The following LRRTM3 variants were observed in gnomAD, a reference collection of about 807,000 sequenced individuals.
LRRTM3 encodes the protein leucine rich repeat transmembrane neuronal 3.
Under a neutral mutation model 44.7 loss-of-function variants are expected in LRRTM3, and 24 were observed. The ratio of observed to expected loss-of-function variants is 0.54; its 90% CI spans 0.39 to 0.76. The LOEUF (loss-of-function observed/expected upper bound fraction) is 0.76. Ranked by LOEUF, LRRTM3 falls within the 30% of genes least tolerant of loss-of-function variation. LRRTM3 has a pLI of 0.00. For missense variants in LRRTM3, 587 were observed against 702.2 expected (o/e 0.84, Z 1.85); for synonymous variants, 277 against 278.7 (o/e 0.99, Z 0.06).
intron 2 of LRRTM3, among the ~76,000 whole-genome samples, chr10:66,985,955 T>C (rs1850707515): frequency 6.6e-6 from 1 of 152,142 alleles, no homozygotes; most frequent in Non-Finnish European, 1.5e-5. Flanking sequence ...CTCGATCTCC[T>C]GACCTCATGA....
At chr10:67,079,550 T>G (rs1287984844) in intron 2 of LRRTM3, among the ~76,000 whole-genome samples, 1 of 151,950 alleles carries the variant, frequency 6.6e-6, no homozygotes, top group Admixed American at 6.6e-5. Context: ...AGATAAAACA[T>G]AACAATAAGA....
chr10:67,038,567 G>T (rs2133136168), intron 2 of LRRTM3, among the ~76,000 whole-genome samples: 1 of 152,178 alleles, frequency 6.6e-6, no homozygotes, highest in African/African-American at 2.4e-5. Context: ...ATCAGTGGAA[G>T]CTCAATGCTT....
At chr10:67,056,153 G>A (rs781777040) in intron 2 of LRRTM3, among the ~76,000 whole-genome samples, 3 of 152,000 alleles carry the variant, frequency 2.0e-5, no homozygotes, top group South Asian at 2.1e-4. Flanking sequence ...ACATACTGTC[G>A]CCCATTCATG....
intron 2 of LRRTM3, among the ~76,000 whole-genome samples, chr10:67,085,257 T>C (rs968565779): frequency 1.3e-5 from 2 of 151,952 alleles, no homozygotes; most frequent in Admixed American, 6.6e-5. Flanking sequence ...TATATGTGGC[T>C]GATCACATAA....
At chr10:66,953,498 A>G (rs1848641417) in intron 2 of LRRTM3, among the ~76,000 whole-genome samples, 4 of 152,186 alleles carry the variant, frequency 2.6e-5, no homozygotes, top group African/African-American at 7.2e-5. Context: ...AGAATAAGTC[A>G]TACCATCATG....
intron 2 of LRRTM3, among the ~76,000 whole-genome samples, chr10:66,979,888 A>T (rs910327960): frequency 6.6e-6 from 1 of 152,152 alleles, no homozygotes; most frequent in Admixed American, 6.5e-5. Context: ...AAATAGAAAA[A>T]GCCTGTTTTT....
intron 2 of LRRTM3, among the ~76,000 whole-genome samples, chr10:66,932,004 T>C (rs1302501871): frequency 2.6e-5 from 4 of 152,166 alleles, no homozygotes; most frequent in Non-Finnish European, 4.4e-5. Flanking sequence ...TGGTCAGGGA[T>C]ATGTCAAAGG....
At chr10:66,957,996 CAGGGTACAGAGGA>C (rs968739058) in intron 2 of LRRTM3, among the ~76,000 whole-genome samples, 1 of 151,850 alleles carries the variant, frequency 6.6e-6, no homozygotes, top group African/African-American at 2.4e-5. Flanking sequence ...TGGCCTGGAG[CAGGGTACAGAGGA>C]AGGGTACATA....
At chr10:66,977,207 G>A (rs1371965606) in intron 2 of LRRTM3, among the ~76,000 whole-genome samples, 2 of 152,094 alleles carry the variant, frequency 1.3e-5, no homozygotes, top group Non-Finnish European at 2.9e-5. Flanking sequence ...GGGAGGCCGA[G>A]GCAGGTGGAT....
At chr10:67,082,532 T>G (rs954723779) in intron 2 of LRRTM3, among the ~76,000 whole-genome samples, 1 of 152,162 alleles carries the variant, frequency 6.6e-6, no homozygotes, top group Non-Finnish European at 1.5e-5. Context: ...TAGTAAGAAG[T>G]TGAGAATCAC....
chr10:66,961,499 T>G (rs1925563), intron 2 of LRRTM3, among the ~76,000 whole-genome samples: 1 of 152,164 alleles, frequency 6.6e-6, no homozygotes, highest in African/African-American at 2.4e-5. Flanking sequence ...GACTCTCTTG[T>G]GAAGTTCTCT....
chr10:67,062,585 T>C (rs971326278), intron 2 of LRRTM3, among the ~76,000 whole-genome samples: 3 of 152,142 alleles, frequency 2.0e-5, no homozygotes, highest in African/African-American at 4.8e-5. Flanking sequence ...ACACAAAATA[T>C]AAAAATTGGG....
intron 2 of LRRTM3, among the ~76,000 whole-genome samples, chr10:67,085,284 G>T (rs1002846111): frequency 5.9e-5 from 9 of 151,488 alleles, no homozygotes; most frequent in Non-Finnish European, 1.0e-4. Flanking sequence ...TCAAAAATAT[G>T]ACTAGTCTTC....
intron 2 of LRRTM3, among the ~76,000 whole-genome samples, chr10:66,994,655 T>A (rs138992679): frequency 2.2e-3 from 342 of 152,290 alleles, no homozygotes; most frequent in Non-Finnish European, 3.8e-3. Flanking sequence ...GCTGACAAAA[T>A]CATGACTTAC....
At chr10:67,021,461 CAA>C (rs1853010972) in intron 2 of LRRTM3, among the ~76,000 whole-genome samples, 1 of 151,738 alleles carries the variant, frequency 6.6e-6, no homozygotes, top group South Asian at 2.1e-4. Context: ...ACCGTTCATA[CAA>C]AGAGTCACTG....
chr10:67,093,269 G>A (rs1435356760), intron 2 of LRRTM3, among the ~76,000 whole-genome samples: 1 of 151,848 alleles, frequency 6.6e-6, no homozygotes, highest in Non-Finnish European at 1.5e-5. Flanking sequence ...AGCTAGTTCA[G>A]ACACTTAGGG....
At chr10:66,973,239 A>C (rs1040198026) in intron 2 of LRRTM3, among the ~76,000 whole-genome samples, 1 of 152,334 alleles carries the variant, frequency 6.6e-6, no homozygotes, top group Admixed American at 6.5e-5. Context: ...TTGAAATAAA[A>C]CAGTATTGAG....
chr10:66,978,263 C>A (rs1589533248), intron 2 of LRRTM3, among the ~76,000 whole-genome samples: 1 of 151,906 alleles, frequency 6.6e-6, no homozygotes. Context: ...CACTGGCTCA[C>A]ACCTGTAATC....
intron 2 of LRRTM3, among the ~76,000 whole-genome samples, chr10:66,939,731 TG>T (rs1847896624): frequency 6.6e-6 from 1 of 152,218 alleles, no homozygotes; most frequent in Admixed American, 6.5e-5. Flanking sequence ...GATTCTTTTT[TG>T]GAACATACGT....
Sources: gnomAD v4.1 joint callset for allele counts (sites outside exome capture counted in the v4.1 genomes callset) on GRCh38, gnomAD v4.1.1 for gene constraint, MANE v1.5 for transcripts, NCBI Gene and HGNC (gene_info 2026-07-23, HGNC 2026-07-21) for gene names.